The following SYT14 variants were observed in gnomAD, a reference collection of about 807,000 sequenced individuals.
SYT14 encodes the protein synaptotagmin 14.
SYT14 carries 32 observed loss-of-function variants against 74.2 expected under a neutral mutation model. The ratio of observed to expected loss-of-function variants is 0.43; its 90% CI spans 0.33 to 0.58. SYT14 has a LOEUF of 0.58. Ranked by LOEUF, SYT14 falls within the 20% of genes least tolerant of loss-of-function variation. The pLI, the probability that SYT14 is intolerant of heterozygous loss-of-function variation, is 0.05. For synonymous variants in SYT14, 298 were observed against 337.7 expected (o/e 0.88, Z 1.29); for missense variants, 791 against 981.8 (o/e 0.81, Z 2.60).
chr1:210,013,552 A>T lies in SYT14; in HGVS notation c.-485-81A>T, dbSNP rs2080125717. 3.0e-6 allele frequency: 4 copies of T among 1,321,724 alleles called. No individual in the cohort carries two copies. In the South Asian group the frequency reaches 3.9e-5, roughly 13 times the overall value. The allele number at this position is 1,321,724 out of a possible 1,614,324, so 81.9% of individuals were successfully genotyped here. A position where few individuals can be genotyped will look rare whatever the true frequency, so the allele number is the denominator to read the frequency against. Reference sequence around the variant, plus strand: ...TATAATTCAAATAAGGTAGTAAGCTAACTTAATGTTTGGGGTTTCCTTCTT... The same window carrying T: ...TATAATTCAAATAAGGTAGTAAGCTTACTTAATGTTTGGGGTTTCCTTCTT... On this transcript the variant is annotated intron_variant, in intron 2 of 9. Coordinates refer to ENST00000637265, the Ensembl canonical transcript of SYT14.
intron 2 of SYT14, among the ~76,000 whole-genome samples, chr1:209,954,049 A>G (rs2078953593): frequency 6.6e-6 from 1 of 152,232 alleles, no homozygotes; most frequent in African/African-American, 2.4e-5. Flanking sequence ...TATAGTTATT[A>G]TCCAGTCCCA....
chr1:210,148,409 T>C (rs1007587109), intron 7 of SYT14, among the ~76,000 whole-genome samples: 5 of 151,316 alleles, frequency 3.3e-5, no homozygotes, highest in African/African-American at 1.2e-4. Context: ...TGCAGGAGGC[T>C]GAGGCAGGAG....
At chr1:210,169,701 A>G (rs2083502154) in exon 10 of SYT14, 1 of 152,126 alleles carries the variant, frequency 6.6e-6, no homozygotes, top group African/African-American at 2.4e-5. Context: ...TAGAATTTTG[A>G]AATAAGAAAG....
chr1:210,160,762 T>C (rs2102727767), exon 10 of SYT14: 1 of 1,613,954 alleles, frequency 6.2e-7, no homozygotes, highest in Non-Finnish European at 8.5e-7. Flanking sequence ...CTGAATTCCA[T>C]GGGTCAAGAG....
chr1:210,089,129 G>A (rs879947337), intron 5 of SYT14, among the ~76,000 whole-genome samples: 1 of 152,074 alleles, frequency 6.6e-6, no homozygotes, highest in Non-Finnish European at 1.5e-5. Context: ...AACATGTGGT[G>A]TTTGGTTTTC....
At chr1:210,165,925 T>C (rs2083450702) in exon 10 of SYT14, 1 of 152,230 alleles carries the variant, frequency 6.6e-6, no homozygotes, top group South Asian at 2.1e-4. Flanking sequence ...ATATGTGCCA[T>C]GTGTTGTTGT....
rs575073834 is a variant in SYT14, at chr1:209,955,426, C to T, written c.-486+2670C>T. 2.4e-4 allele frequency among the ~76,000 whole-genome samples: 37 copies of T among 152,098 alleles called. 1 individual carries two copies. Among genetic ancestry groups the T allele is most frequent in the Non-Finnish European group, 4.3e-4 (29 of 68,006 alleles). ...TCCTGTATTTCCCCATTATTATTGT[C>T]CACATTTAATTTATTAGTAAGTTCA... On this transcript the variant is annotated intron_variant, in intron 2 of 9. Transcript: ENST00000637265.
At chr1:210,002,950 A>AT (rs2079928207) in intron 2 of SYT14, among the ~76,000 whole-genome samples, 1 of 152,140 alleles carries the variant, frequency 6.6e-6, no homozygotes, top group South Asian at 2.1e-4. Context: ...ATGTAATAAA[A>AT]TTTATCAGTA....
intron 1 of SYT14, among the ~76,000 whole-genome samples, chr1:209,942,319 G>A (rs1321241305): frequency 1.4e-5 from 2 of 144,602 alleles, no homozygotes; most frequent in Non-Finnish European, 3.0e-5. Context: ...ATGTCCCAAA[G>A]TTGTCATCAC....
At chr1:210,037,320 C>T (rs2080686214) in intron 5 of SYT14, among the ~76,000 whole-genome samples, 1 of 151,754 alleles carries the variant, frequency 6.6e-6, no homozygotes, top group Non-Finnish European at 1.5e-5. Context: ...AGTATTCTTT[C>T]CTCTTTTGTT....
rs112708189 is a variant in SYT14, at chr1:210,076,903, A to G, written c.1313-17419A>G. ...GCCTTCTCCAACAATGGGGATTACAATTCAACATGAGATTTGGGTGGGGAC... is the reference window on the plus strand; with the variant it reads ...GCCTTCTCCAACAATGGGGATTACAGTTCAACATGAGATTTGGGTGGGGAC... On this transcript the variant is annotated intron_variant, in intron 5 of 9. Coordinates refer to ENST00000637265, the Ensembl canonical transcript of SYT14. Among the ~76,000 whole-genome samples the G allele has an allele frequency of 5.6e-3, 852 of 152,246 alleles. 6 individuals are homozygous for G. Among genetic ancestry groups the G allele is most frequent in the African/African-American group, 0.02 (815 of 41,538 alleles).
At chr1:209,983,397 CT>C (rs35864202) in intron 2 of SYT14, among the ~76,000 whole-genome samples, 1 of 152,138 alleles carries the variant, frequency 6.6e-6, no homozygotes, top group African/African-American at 2.4e-5. Context: ...TTTCTGCCTT[CT>C]TTTTTTCCCC....
At chr1:210,152,963 G>A (rs1245748669) in intron 7 of SYT14, among the ~76,000 whole-genome samples, 1 of 152,008 alleles carries the variant, frequency 6.6e-6, no homozygotes, top group Non-Finnish European at 1.5e-5. Flanking sequence ...AATCACATTT[G>A]TAAATGTTAT....
chr1:210,129,305 G>T (rs763214038), intron 7 of SYT14, among the ~76,000 whole-genome samples: 26 of 152,160 alleles, frequency 1.7e-4, no homozygotes, highest in Middle Eastern at 6.8e-3. Context: ...TCTCTTCCCC[G>T]ACCCTGCCTT....
intron 7 of SYT14, among the ~76,000 whole-genome samples, chr1:210,109,513 G>A (rs2082220411): frequency 6.6e-6 from 1 of 151,520 alleles, no homozygotes; most frequent in Non-Finnish European, 1.5e-5. Flanking sequence ...AGGAGGTGGA[G>A]GTTGCAGTGA....
chr1:210,053,387 G>C (rs1244571865), intron 5 of SYT14, among the ~76,000 whole-genome samples: 1 of 152,180 alleles, frequency 6.6e-6, no homozygotes, highest in African/African-American at 2.4e-5. Flanking sequence ...AATTGGTATA[G>C]ATCATTTAGG....
chr1:210,000,613 CTTTTTT>C (rs71146203), intron 2 of SYT14, among the ~76,000 whole-genome samples: 2 of 105,442 alleles, frequency 1.9e-5, no homozygotes, highest in Non-Finnish European at 1.8e-5. Context: ...TTTATGCCTT[CTTTTTT>C]TTTTTTTTTT....
exon 10 of SYT14, chr1:210,169,006 TTA>T (rs1428088357): frequency 6.6e-6 from 1 of 152,112 alleles, no homozygotes; most frequent in Non-Finnish European, 1.5e-5. Flanking sequence ...TTTGAGATCA[TTA>T]TGTCATATTC....
intron 5 of SYT14, among the ~76,000 whole-genome samples, chr1:210,090,406 CA>C (rs912621593): frequency 2.7e-5 from 4 of 150,764 alleles, no homozygotes; most frequent in African/African-American, 9.8e-5. Flanking sequence ...GAATATACAT[CA>C]TTTTTTTTTT....
Sources: allele counts gnomAD v4.1 joint callset (sites outside exome capture counted in the v4.1 genomes callset), GRCh38; gene constraint gnomAD v4.1.1; transcripts MANE v1.5; gene names NCBI Gene and HGNC (gene_info 2026-07-23, HGNC 2026-07-21).